The following CATSPERB variants were observed in gnomAD, a reference collection of about 807,000 sequenced individuals.
CATSPERB encodes cation channel sperm-associated auxiliary subunit beta.
Under a neutral mutation model 128.3 loss-of-function variants are expected in CATSPERB, and 93 were observed. The observed-to-expected ratio is 0.72, with a 90% CI of 0.61 to 0.86. CATSPERB has a LOEUF of 0.86. Ranked by LOEUF, CATSPERB falls within the 40% of genes least tolerant of loss-of-function variation. The pLI, the probability that CATSPERB is intolerant of heterozygous loss-of-function variation, is 0.00. For missense variants in CATSPERB, 1,153 were observed against 1,329.5 expected, an observed-to-expected ratio of 0.87 and a Z score of 2.06; for synonymous variants, 381 against 448.8, an observed-to-expected ratio of 0.85 and a Z score of 1.91.
chr14:91,593,054 C>T (rs1190902550), intron 22 of CATSPERB, among the ~76,000 whole-genome samples: 2 of 152,326 alleles, frequency 1.3e-5, no homozygotes, highest in Admixed American at 6.5e-5. Context: ...ACAGCTTCCA[C>T]GTGGTGTTGA....
chr14:91,700,358 C>T (rs1179489992), intron 7 of CATSPERB, among the ~76,000 whole-genome samples: 1 of 152,098 alleles, frequency 6.6e-6, no homozygotes, highest in Admixed American at 6.6e-5. Flanking sequence ...AAAATATTGG[C>T]TTCTAGTTTT....
chr14:91,706,181 A>T (rs1161218183), intron 6 of CATSPERB, among the ~76,000 whole-genome samples: 2 of 152,204 alleles, frequency 1.3e-5, no homozygotes, highest in Non-Finnish European at 2.9e-5. Flanking sequence ...GCAAGAAAAC[A>T]AGCTAACTTT....
At chr14:91,667,600 T>C (rs1895009425) in intron 14 of CATSPERB, among the ~76,000 whole-genome samples, 1 of 152,182 alleles carries the variant, frequency 6.6e-6, no homozygotes, top group African/African-American at 2.4e-5. Flanking sequence ...ATGAAATCTA[T>C]CTTTACTCTA....
chr14:91,640,285 G>A (rs1035255673), intron 15 of CATSPERB, among the ~76,000 whole-genome samples: 3 of 150,098 alleles, frequency 2.0e-5, no homozygotes, highest in African/African-American at 7.4e-5. Flanking sequence ...AGGTACATGT[G>A]CACATTGTGC....
intron 5 of CATSPERB, among the ~76,000 whole-genome samples, chr14:91,716,020 A>G (rs892359640): frequency 6.6e-6 from 1 of 152,224 alleles, no homozygotes; most frequent in Non-Finnish European, 1.5e-5. Flanking sequence ...TTAGGCAAAG[A>G]TTTCTTAGCT....
chr14:91,593,918 G>C (rs1893454448), intron 22 of CATSPERB, among the ~76,000 whole-genome samples: 1 of 147,368 alleles, frequency 6.8e-6, no homozygotes. Context: ...GGCGCTGCTG[G>C]TCTTTCCCAT....
intron 22 of CATSPERB, among the ~76,000 whole-genome samples, chr14:91,597,240 G>T (rs986902704): frequency 2.0e-5 from 3 of 152,072 alleles, no homozygotes; most frequent in African/African-American, 7.2e-5. Context: ...AAATATAAAA[G>T]CTTTAAAACA....
chr14:91,697,324 A>C (rs1895580005), intron 7 of CATSPERB, among the ~76,000 whole-genome samples: 1 of 152,102 alleles, frequency 6.6e-6, no homozygotes, highest in Admixed American at 6.5e-5. Flanking sequence ...GTGAGAACAG[A>C]GGAAAATAAG....
intron 16 of CATSPERB, among the ~76,000 whole-genome samples, chr14:91,638,527 C>T (rs149646917): frequency 0.012 from 1,856 of 152,036 alleles, 16 homozygotes; most frequent in Non-Finnish European, 0.02. Context: ...TTCAAGTGAT[C>T]CTCCTGCCTC....
chr14:91,691,671 A>G, intron 9 of CATSPERB, 116 bp from the exon 10 acceptor site: 1 of 713,498 alleles, frequency 1.4e-6, no homozygotes, highest in Non-Finnish European at 2.3e-6. Flanking sequence ...AAACAAAATT[A>G]TAACTAAATT....
intron 23 of CATSPERB, 138 bp downstream of exon 23, chr14:91,591,754 C>A: frequency 1.6e-6 from 1 of 640,230 alleles, no homozygotes; most frequent in South Asian, 1.9e-5. Flanking sequence ...ATCTTTCTAG[C>A]TCGGTGTCAT....
intron 14 of CATSPERB, among the ~76,000 whole-genome samples, chr14:91,660,971 A>G (rs1014079400): frequency 3.3e-5 from 5 of 152,212 alleles, no homozygotes; most frequent in Non-Finnish European, 7.3e-5. Flanking sequence ...TTTGCCCTGG[A>G]CTGCTTGCTT....
intron 9 of CATSPERB, 45 bp from the exon 10 acceptor site, chr14:91,691,600 G>T: frequency 6.8e-7 from 1 of 1,471,650 alleles, no homozygotes; most frequent in Non-Finnish European, 9.4e-7. Flanking sequence ...CATATCAGAA[G>T]GCCTAACAAA....
chr14:91,619,987 C>T (rs1005747232), intron 19 of CATSPERB, among the ~76,000 whole-genome samples: 9 of 151,558 alleles, frequency 5.9e-5, no homozygotes, highest in Non-Finnish European at 5.9e-5. Context: ...CCTCTTGCCT[C>T]GGCCTCCCAA....
At chr14:91,628,330 A>G (rs1243358830) in intron 17 of CATSPERB, among the ~76,000 whole-genome samples, 1 of 152,216 alleles carries the variant, frequency 6.6e-6, no homozygotes, top group Non-Finnish European at 1.5e-5. Flanking sequence ...AACAATAAGA[A>G]AGTGTACAAC....
chr14:91,654,843 A>T (rs1894761467), intron 15 of CATSPERB, among the ~76,000 whole-genome samples: 1 of 152,170 alleles, frequency 6.6e-6, no homozygotes, highest in Admixed American at 6.5e-5. Context: ...GTGCAGTCCT[A>T]GTGGTGGTGG....
intron 5 of CATSPERB, among the ~76,000 whole-genome samples, chr14:91,717,098 C>T (rs1470213707): frequency 2.0e-5 from 3 of 152,122 alleles, no homozygotes. Flanking sequence ...AATGAATTAG[C>T]TAAGTGAAAG....
intron 22 of CATSPERB, among the ~76,000 whole-genome samples, chr14:91,599,158 A>G (rs1291172498): frequency 1.3e-5 from 2 of 152,112 alleles, no homozygotes; most frequent in Admixed American, 6.5e-5. Flanking sequence ...GGTACCAGGC[A>G]CTGATAAGAG....
chr14:91,629,011 C>T (rs970110689), intron 17 of CATSPERB, among the ~76,000 whole-genome samples: 1 of 152,130 alleles, frequency 6.6e-6, no homozygotes, highest in African/African-American at 2.4e-5. Flanking sequence ...AGCAAAATGC[C>T]TTGGTATTTA....
Sources: gnomAD v4.1 joint callset for allele counts (sites outside exome capture counted in the v4.1 genomes callset) on GRCh38, gnomAD v4.1.1 for gene constraint, MANE v1.5 for transcripts, NCBI Gene and HGNC (gene_info 2026-07-23, HGNC 2026-07-21) for gene names.